The following APOD variants were observed in gnomAD, a reference collection of about 807,000 sequenced individuals.
APOD encodes the protein apolipoprotein D, also known as apo-D.
In APOD, 22 loss-of-function variants were observed where a neutral mutation model predicts 20.4. That is an observed-to-expected ratio of 1.08 (90% CI 0.77 to 1.54). The LOEUF (loss-of-function observed/expected upper bound fraction) is 1.54. APOD is among the 40% of genes most tolerant of loss of function. The pLI is 0.00. For synonymous variants in APOD, 97 were observed against 92.4 expected (o/e 1.05, Z -0.29); for missense variants, 223 against 229.6 (o/e 0.97, Z 0.19).
intron 1 of APOD, among the ~76,000 whole-genome samples, chr3:195,582,191 T>C (rs994228202): frequency 6.6e-6 from 1 of 151,928 alleles, no homozygotes; most frequent in African/African-American, 2.4e-5. Flanking sequence ...CAAAACTCCG[T>C]CTCAAAACAA....
In APOD at chr3:195,579,485, G is replaced by C; in HGVS notation, c.-24C>G. Reference sequence around the variant, plus strand: ...ATCTTGGGGCTGGGTGGCTGGAGAAGGGACCTGGAGCTGCGGGAACGCAAA... The same window carrying C: ...ATCTTGGGGCTGGGTGGCTGGAGAACGGACCTGGAGCTGCGGGAACGCAAA... On this transcript the variant is annotated 5_prime_UTR_variant, in exon 2 of 5. Coordinates refer to ENST00000343267, the MANE Select transcript of APOD (RefSeq NM_001647.4). The C allele has an allele frequency of 1.9e-6, 3 of 1,609,632 alleles. No individual in the cohort carries two copies. The highest frequency in any genetic ancestry group is 3.3e-4 in the Middle Eastern group (2 of 6,036).
At chr3:195,580,481 T>C (rs1720318690) in intron 1 of APOD, among the ~76,000 whole-genome samples, 2 of 152,008 alleles carry the variant, frequency 1.3e-5, no homozygotes, top group African/African-American at 2.4e-5. Flanking sequence ...CTCGGCTCAC[T>C]GCAACCTCTG....
chr3:195,576,465 T>C (rs1195671057), intron 2 of APOD, among the ~76,000 whole-genome samples: 2 of 152,188 alleles, frequency 1.3e-5, no homozygotes, highest in Non-Finnish European at 2.9e-5. Context: ...AACTATTGGA[T>C]CTAATGAGTT....
In APOD at chr3:195,579,348, G is replaced by A. The variant is rs5953; in HGVS notation, c.114C>T (p.Asp38=). The A allele has an allele frequency of 9.1e-3, 14,684 of 1,614,178 alleles. 98 individuals carry two copies. The highest frequency in any genetic ancestry group is 0.011 in the Non-Finnish European group (12,758 of 1,180,026). ...CPNPPVQENF[D]VNKYLGRWYE... The stretch of plus-strand genomic sequence containing the variant: ...GAGGTTCGCCTTTTACCTTATTCAC[G>A]TCAAAATTCTCCTGCACCGGAGGAT... The change falls in exon 2 of 5, where the codon GAC becomes GAT. Residue 38 remains aspartate (D), a synonymous_variant. Transcript: ENST00000343267.
rs1032608514 is a variant in APOD at position 195,576,666 on chromosome 3, C to T, written c.123+2673G>A. ...CTCTATAAAAAATTTAAAAATTAGC[C>T]GGGCATGGTGGCACGCAACTGTAAT... On this transcript the variant is annotated intron_variant, in intron 2 of 4. Transcript: ENST00000343267. 7.2e-5 allele frequency among the ~76,000 whole-genome samples: 11 copies of T among 151,844 alleles called. No individual in the cohort carries two copies. In the East Asian group the frequency reaches 7.7e-4, roughly 11 times the overall value.
intron 1 of APOD, among the ~76,000 whole-genome samples, chr3:195,581,154 G>T (rs1037522995): frequency 5.3e-5 from 8 of 152,148 alleles, no homozygotes; most frequent in Non-Finnish European, 1.0e-4. Flanking sequence ...TGGAGGTTTT[G>T]TTGCCTGGTT....
chr3:195,578,684 T>G (rs1395211866), intron 2 of APOD, among the ~76,000 whole-genome samples: 1 of 152,192 alleles, frequency 6.6e-6, no homozygotes, highest in Admixed American at 6.5e-5. Flanking sequence ...TTTTGGGCTT[T>G]CCTGAGCCCT....
Position 195,579,397 on chromosome 3 carries a change from G to C in APOD, c.65C>G (p.Ala22Gly). The change falls in exon 2 of 5, where the codon GCA (alanine) becomes GGA (glycine). Residue 22 changes from alanine (A) to glycine (G), a missense_variant. By Grantham distance (60) the Ala-to-Gly change is moderately conservative. Transcript: ENST00000343267. ...ATTGGGGCACTTCCCAAGATGAAAT[G>C]CTTGTCCCTCTGCCGCACCGAAGAG... is the stretch of plus-strand genomic sequence containing the variant. Reference protein sequence around the residue: ...AGLFGAAEGQAFHLGKCPNPP... With the variant: ...AGLFGAAEGQGFHLGKCPNPP... The C allele has an allele frequency of 2.5e-6, 4 of 1,614,210 alleles. No homozygotes were observed. The highest frequency in any genetic ancestry group is 3.4e-6 in the Non-Finnish European group (4 of 1,180,052).
At chr3:195,573,657 G>C (rs897906647) in intron 3 of APOD, among the ~76,000 whole-genome samples, 193 bp downstream of exon 3, 2 of 152,188 alleles carry the variant, frequency 1.3e-5, no homozygotes, top group Non-Finnish European at 2.9e-5. Context: ...CCCGCAGGTG[G>C]TCATGGAAAT....
chr3:195,569,937 T>C (rs1261108256), intron 4 of APOD, among the ~76,000 whole-genome samples: 3 of 151,854 alleles, frequency 2.0e-5, no homozygotes, highest in Non-Finnish European at 2.9e-5. Context: ...GTAGCTGGGA[T>C]TACAGGCACA....
chr3:195,570,890 G>A (rs748044937), intron 4 of APOD: 11 of 197,694 alleles, frequency 5.6e-5, no homozygotes, highest in East Asian at 1.1e-4. Flanking sequence ...TTTCTGCGCC[G>A]TGCAGGTTGT....
At chr3:195,578,418 T>A (rs1490129800) in intron 2 of APOD, among the ~76,000 whole-genome samples, 1 of 152,168 alleles carries the variant, frequency 6.6e-6, no homozygotes, top group African/African-American at 2.4e-5. Flanking sequence ...GAGTGTATGA[T>A]AACAACTTCG....
At chr3:195,571,894 C>T (rs551893603) in intron 3 of APOD, among the ~76,000 whole-genome samples, 1 of 152,192 alleles carries the variant, frequency 6.6e-6, no homozygotes, top group South Asian at 2.1e-4. Flanking sequence ...ATTCTCCTCC[C>T]TCAGCCTCCC....
intron 1 of APOD, among the ~76,000 whole-genome samples, chr3:195,581,532 T>C (rs7629772): frequency 0.38 from 58,495 of 152,030 alleles, 11,460 homozygotes; most frequent in East Asian, 0.48. Context: ...GAGGTCATCT[T>C]TCTAGCTCTA....
intron 1 of APOD, 150 bp from the exon 2 acceptor site, chr3:195,579,645 A>C (rs1577606411): frequency 1.2e-6 from 1 of 825,390 alleles, no homozygotes; most frequent in Non-Finnish European, 1.9e-6. Context: ...CTGCAGGGGA[A>C]CACCTGCCTG....
At chr3:195,574,897 A>G in intron 2 of APOD, among the ~76,000 whole-genome samples, 1 of 152,352 alleles carries the variant, frequency 6.6e-6, no homozygotes, top group Non-Finnish European at 1.5e-5. Flanking sequence ...AAAATAGTGT[A>G]TCTATTAAGG....
intron 4 of APOD, 75 bp downstream of exon 4, chr3:195,571,202 C>T (rs1281817054): frequency 1.9e-5 from 25 of 1,302,146 alleles, no homozygotes; most frequent in Non-Finnish European, 2.8e-5. Context: ...CTCAGGAATT[C>T]TCCAAGCCGG....
chr3:195,577,818 G>A (rs1720271054), intron 2 of APOD, among the ~76,000 whole-genome samples: 1 of 152,210 alleles, frequency 6.6e-6, no homozygotes, highest in African/African-American at 2.4e-5. Context: ...ACCACATATA[G>A]TATGATTTCA....
At chr3:195,572,392 A>G (rs983497608) in intron 3 of APOD, among the ~76,000 whole-genome samples, 4 of 152,252 alleles carry the variant, frequency 2.6e-5, no homozygotes, top group African/African-American at 9.6e-5. Flanking sequence ...AGAAATGCAT[A>G]TCTCACAATT....
Sources: gnomAD v4.1 joint callset for allele counts (sites outside exome capture counted in the v4.1 genomes callset) on GRCh38, gnomAD v4.1.1 for gene constraint, MANE v1.5 for transcripts, NCBI Gene and HGNC (gene_info 2026-07-23, HGNC 2026-07-21) for gene names.